Variants in FAM149A observed in about 807,000 individuals in gnomAD.
The protein encoded by FAM149A is family with sequence similarity 149 member A, also known as protein FAM149A.
In FAM149A, 71 loss-of-function variants were observed where a neutral mutation model predicts 78.2. That is an observed-to-expected ratio of 0.91 (90% CI 0.75 to 1.11). The LOEUF (loss-of-function observed/expected upper bound fraction) is 1.11, where lower values mean the gene tolerates loss of function less well. Among genes scored for constraint, FAM149A ranks in the 50% least tolerant of loss-of-function variants. The pLI, the probability that FAM149A is intolerant of heterozygous loss-of-function variation, is 0.00. For missense variants in FAM149A, 1,036 were observed against 971.0 expected (o/e 1.07, Z -0.89); for synonymous variants, 446 against 410.5 (o/e 1.09, Z -1.04).
At chr4:186,125,055 A>C (rs1289412628) in intron 1 of FAM149A, among the ~76,000 whole-genome samples, 3 of 152,144 alleles carry the variant, frequency 2.0e-5, no homozygotes, top group African/African-American at 7.2e-5. Context: ...GGCTGCATAA[A>C]TGTCTTCTTT....
intron 8 of FAM149A, chr4:186,158,722 A>G (rs1734275800): frequency 1.1e-5 from 11 of 1,017,970 alleles, no homozygotes; most frequent in Non-Finnish European, 1.3e-5. Context: ...AGGTGCAGGT[A>G]CCCCCTGTGC....
At position 186,149,604 on chromosome 4, in the gene FAM149A, C is replaced by T. The variant is rs1733311071; in HGVS notation, c.689C>T (p.Thr230Ile). The T allele has an allele frequency of 7.8e-7, 1 of 1,289,864 alleles. No individual in the cohort carries two copies. The highest frequency in any genetic ancestry group is 1.5e-5 in the African/African-American group (1 of 65,870). 79.9% of individuals were successfully genotyped at this position (1,289,864 alleles called of 1,614,324 possible). ...TCCTTTTCCTCCAGCGGAAGCCATA[C>T]ACCCACGGGAGCCCACACCTCTTGG... Residue 230 changes from threonine to isoleucine, a missense_variant, in exon 3 of 14, where the codon ACA becomes ATA. Transcript: ENST00000389354.
intron 1 of FAM149A, among the ~76,000 whole-genome samples, chr4:186,135,422 T>C (rs1019133380): frequency 1.3e-5 from 2 of 152,112 alleles, no homozygotes; most frequent in Admixed American, 6.5e-5. Context: ...CTGGTAGTCA[T>C]GGTCTGTGAA....
chr4:186,109,482 C>T (rs2099310321), intron 1 of FAM149A: 4 of 985,262 alleles, frequency 4.1e-6, no homozygotes, highest in African/African-American at 1.7e-5. Context: ...CCTGTAGACC[C>T]GGAAACCAGA....
chr4:186,105,177 C>T lies in FAM149A; in HGVS notation c.101C>T (p.Ala34Val), dbSNP rs939610247. The T allele has an allele frequency of 7.8e-7, 1 of 1,276,322 alleles. No individual in the cohort carries two copies. The highest frequency in any genetic ancestry group is 1.2e-5 in the South Asian group (1 of 80,400). The allele number at this position is 1,276,322 out of a possible 1,614,324, so 79.1% of individuals were successfully genotyped here. ...CCCTCCTCCAGACCCTCGGGAGGTG[C>T]TGCCGCTGCAGGGTCGGGGGGCTCC... The change falls in exon 1 of 14, where the codon GCT becomes GTT. Residue 34 changes from alanine to valine, a missense_variant. Ala to Val is a moderately conservative substitution (Grantham distance 64, BLOSUM62 0). Around this residue, in one of 3 missense-constraint regions of FAM149A, gnomAD observed 316 missense variants for 241.9 expected, o/e 1.31. Transcript: ENST00000389354.
intron 11 of FAM149A, among the ~76,000 whole-genome samples, chr4:186,166,433 G>A (rs1310446737): frequency 6.6e-6 from 1 of 152,088 alleles, no homozygotes; most frequent in South Asian, 2.1e-4. Flanking sequence ...GGTGGATCAC[G>A]AGGGCAAGAG....
chr4:186,157,172 T>G (rs1734100521), intron 7 of FAM149A, among the ~76,000 whole-genome samples: 1 of 150,550 alleles, frequency 6.6e-6, no homozygotes, highest in African/African-American at 2.4e-5. Flanking sequence ...TACAAAATAT[T>G]CTCTAAACTT....
Position 186,144,829 on chromosome 4 carries a change from G to C in FAM149A, c.567-4344G>C. The C allele has an allele frequency of 9.2e-6, 9 of 983,344 alleles. No homozygotes were observed. The highest frequency in any genetic ancestry group is 8.4e-6 in the Non-Finnish European group (7 of 829,010). The allele number at this position is 983,344 out of a possible 1,614,324, so 60.9% of individuals were successfully genotyped here. A position where few individuals can be genotyped will look rare whatever the true frequency, so the allele number is the denominator to read the frequency against. Reference sequence around the variant, plus strand: ...AGGGAGGAGGAGGGGAGGCGGCGCCGGCGCGGGCGGGGCGGAGGATCTGGA... The same window carrying C: ...AGGGAGGAGGAGGGGAGGCGGCGCCCGCGCGGGCGGGGCGGAGGATCTGGA... On this transcript the variant is annotated intron_variant, in intron 1 of 13. Coordinates refer to ENST00000389354, the MANE Select transcript of FAM149A (RefSeq NM_001367768.3). This position sits in a 1 kb window ranked among gnomAD's most constrained non-coding sequence, Gnocchi z 4.2.
rs1009250349 is a variant in FAM149A, at chr4:186,105,261, C to T, written c.185C>T (p.Ser62Phe). The change falls in exon 1 of 14, where the codon TCC (serine) becomes TTC (phenylalanine). Residue 62 changes from serine (S) to phenylalanine (F), a missense_variant. Physicochemically the swap from Ser to Phe is radical, Grantham distance 155. This residue lies in a region of FAM149A where 316 missense variants were observed against 241.9 expected (regional missense o/e 1.31). Transcript: ENST00000389354. ...CTCCTCCGCGCCCTGGCTCCGGACT[C>T]CCCCTCCGCCTCGCGGCGGTCGCCC... is the stretch of plus-strand genomic sequence containing the variant. The T allele has an allele frequency of 4.1e-6, 5 of 1,206,384 alleles. No individual in the cohort carries two copies. The highest frequency in any genetic ancestry group is 5.2e-6 in the Non-Finnish European group (5 of 955,258). The allele number at this position is 1,206,384 out of a possible 1,614,324, so 74.7% of individuals were successfully genotyped here.
chr4:186,150,568 C>G (rs1420338370), intron 3 of FAM149A, among the ~76,000 whole-genome samples: 8 of 78,566 alleles, frequency 1.0e-4, no homozygotes, highest in South Asian at 5.3e-4. Context: ...CACAGGCGCC[C>G]ACCACCACGC....
chr4:186,136,753 C>A lies in FAM149A; in HGVS notation c.567-12420C>A, dbSNP rs542345044. ...GCGTCTCTGTATGATTTGTAGGGAG[C>A]TGTGGGAGTGTGCCCTGCAGGGCTG... On this transcript the variant is annotated intron_variant, in intron 1 of 13. Transcript: ENST00000389354. 4.6e-5 allele frequency among the ~76,000 whole-genome samples: 7 copies of A among 152,240 alleles called. 2 individuals carry two copies. The highest frequency in any genetic ancestry group is 1.7e-4 in the African/African-American group (7 of 41,548).
At chr4:186,123,192 C>T (rs2099316838) in intron 1 of FAM149A, 17 of 984,210 alleles carry the variant, frequency 1.7e-5, no homozygotes, top group Non-Finnish European at 1.9e-5. Flanking sequence ...AAGGAAATGT[C>T]ACATTACTGA....
chr4:186,132,269 A>G, intron 1 of FAM149A: 1 of 939,992 alleles, frequency 1.1e-6, no homozygotes, highest in Non-Finnish European at 1.3e-6. Context: ...TTAGTTCAAA[A>G]ATCTCAGTGA....
chr4:186,130,314 T>TATATATAAAA (rs141900902), intron 1 of FAM149A, among the ~76,000 whole-genome samples: 1 of 116,456 alleles, frequency 8.6e-6, no homozygotes, highest in Admixed American at 9.3e-5. Context: ...TATATATATA[T>TATATATAAAA]AATCTATATC....
intron 1 of FAM149A, among the ~76,000 whole-genome samples, chr4:186,118,610 C>A (rs1288422424): frequency 6.6e-6 from 1 of 152,180 alleles, no homozygotes; most frequent in Non-Finnish European, 1.5e-5. Flanking sequence ...AGACCACACT[C>A]AGCAAAACAT....
chr4:186,165,256 C>A, intron 10 of FAM149A, 88 bp from the exon 11 acceptor site: 1 of 1,467,914 alleles, frequency 6.8e-7, no homozygotes, highest in Non-Finnish European at 9.5e-7. Flanking sequence ...CACGCAGAAA[C>A]ATTGAAATCA....
chr4:186,151,823 A>G, intron 3 of FAM149A, 80 bp from the exon 4 acceptor site: 2 of 1,549,168 alleles, frequency 1.3e-6, no homozygotes, highest in Non-Finnish European at 1.7e-6. Flanking sequence ...GGGTGACAGT[A>G]AATGTATAAG....
chr4:186,136,976 TTCTCTCTCTCTCTCTCTCTCTCTCTCTC>T (rs70964917), intron 1 of FAM149A, among the ~76,000 whole-genome samples: 1 of 72,094 alleles, frequency 1.4e-5, no homozygotes, highest in Non-Finnish European at 2.6e-5. Context: ...CTCTCTCTCT[TTCTCTCTCTCTCTCTCTCTCTCTCTCTC>T]TCTCTCTCTC....
chr4:186,131,262 C>T (rs185346077), intron 1 of FAM149A, among the ~76,000 whole-genome samples: 2 of 152,162 alleles, frequency 1.3e-5, no homozygotes, highest in Admixed American at 6.5e-5. Flanking sequence ...GCAGGAAAAT[C>T]GCTTGAACCC....
Sources: gnomAD v4.1 joint callset for allele counts (sites outside exome capture counted in the v4.1 genomes callset) on GRCh38, gnomAD v4.1.1 for gene constraint, gnomAD v4.1.1 regional missense constraint, Gnocchi (gnomAD v3.1) non-coding constraint, MANE v1.5 for transcripts, NCBI Gene and HGNC (gene_info 2026-07-23, HGNC 2026-07-21) for gene names.